Variants in LAMB4 observed in about 807,000 individuals in gnomAD.
LAMB4 encodes the protein laminin subunit beta-4.
A neutral mutation model predicts 199.2 loss-of-function variants in LAMB4; 196 were observed. That is an observed-to-expected ratio of 0.98 (90% CI 0.88 to 1.11). The LOEUF is 1.11. Ranked by LOEUF, LAMB4 falls within the 50% of genes least tolerant of loss-of-function variation. The pLI, the probability that LAMB4 is intolerant of heterozygous loss-of-function variation, is 0.00. For synonymous variants in LAMB4, 744 were observed against 770.6 expected (o/e 0.97, Z 0.57); for missense variants, 2,080 against 2,171.2 (o/e 0.96, Z 0.83).
At chr7:108,055,323 AT>A (rs1223907214) in intron 25 of LAMB4, among the ~76,000 whole-genome samples, 2 of 151,742 alleles carry the variant, frequency 1.3e-5, no homozygotes, top group African/African-American at 4.8e-5. Context: ...AGTAGTGGGG[AT>A]TACAGGTACC....
chr7:108,111,908 T>A lies in LAMB4; in HGVS notation c.231A>T (p.Pro77=). 1 of 1,611,290 alleles carries A rather than the reference T, an allele frequency of 6.2e-7. No homozygotes were observed. Among genetic ancestry groups the A allele is most frequent in the African/African-American group, 1.3e-5 (1 of 74,964 alleles). Residue 77 remains proline, a synonymous_variant, in exon 4 of 34, where the codon CCA becomes CCT. Transcript: ENST00000388781. ...QKCFICDSRF[P]YDPYDQPNSH... is the part of the protein sequence containing the mutation. ...TGTTGGGTTGGTCATACGGATCATA[T>A]GGAAATCTAGAGTCACAGATGAAGC...
Position 108,065,853 on chromosome 7 carries a change from A to G in LAMB4, c.2745T>C (p.Asp915=). Residue 915 remains aspartate (D), a synonymous_variant, in exon 21 of 34, where the codon GAT becomes GAC. Transcript: ENST00000388781. ...GQPCRPCLCP[D]DPSSNQYFAH... ...CAAAATACTGATTGCTTGAGGGATC[A>G]TCTGGACACAGGCAAGGACGACAGG... is the stretch of plus-strand genomic sequence containing the variant. 1 of 1,614,142 alleles carries G rather than the reference A, an allele frequency of 6.2e-7. No individual in the cohort carries two copies. Among genetic ancestry groups the G allele is most frequent in the Non-Finnish European group, 8.5e-7 (1 of 1,179,966 alleles).
At chr7:108,103,659 CT>C (rs1206509232) in intron 9 of LAMB4, among the ~76,000 whole-genome samples, 1 of 152,232 alleles carries the variant, frequency 6.6e-6, no homozygotes, top group African/African-American at 2.4e-5. Flanking sequence ...GGCCTGGCCC[CT>C]CTTTCCACAG....
Position 108,078,204 on chromosome 7 carries a change from G to T in LAMB4, c.2000C>A (p.Thr667Lys). Residue 667 changes from threonine to lysine, a missense_variant, in exon 16 of 34, where the codon ACG becomes AAG. Transcript: ENST00000388781. ...KPQSFALPAA[T>K]RIMLLPTPIC... ...TGAGGACCGGTCTGAAACATACCTC[G>T]TAGCCGCTGGTAAGGCAAAAGACTG... The T allele has an allele frequency of 6.3e-7, 1 of 1,595,592 alleles. No individual in the cohort carries two copies.
chr7:108,012,504 A>G, the LAMB4 span, among the ~76,000 whole-genome samples: 1 of 152,260 alleles, frequency 6.6e-6, no homozygotes, highest in African/African-American at 2.4e-5. Context: ...TGAAGAAAGT[A>G]GACTATAAGT....
chr7:108,044,955 C>CAAAAAAAAAAAAAAAAAAAA (rs756256335), intron 28 of LAMB4, among the ~76,000 whole-genome samples: 6 of 56,490 alleles, frequency 1.1e-4, no homozygotes, highest in South Asian at 6.5e-4. Context: ...ATTCTTGTCT[C>CAAAAAAAAAAAAAAAAAAAA]AAAAAAAAAA....
Position 108,055,718 on chromosome 7 carries a change from G to C in LAMB4, c.3669C>G (p.Asn1223Lys). 6.2e-7 allele frequency: 1 copy of C among 1,613,976 alleles called. No individual in the cohort carries two copies. The highest frequency in any genetic ancestry group is 8.5e-7 in the Non-Finnish European group (1 of 1,179,858). Reference sequence around the variant, plus strand: ...TCAAAATCCTTTCTATTTCAGACACGTTCCCTCTGAGGTCTTTGAAGTCTG... The same window carrying C: ...TCAAAATCCTTTCTATTTCAGACACCTTCCCTCTGAGGTCTTTGAAGTCTG... ...CEADFKDLRG[N>K]VSEIERILKH... Residue 1223 changes from asparagine (N) to lysine (K), a missense_variant, in exon 25 of 34, where the codon AAC (asparagine) becomes AAG (lysine). By Grantham distance (94) the Asn-to-Lys change is moderately conservative (BLOSUM62 0). Transcript: ENST00000388781.
chr7:108,111,711 T>C (rs1334809658), intron 4 of LAMB4, 100 bp downstream of exon 4: 1 of 1,023,192 alleles, frequency 9.8e-7, no homozygotes. Flanking sequence ...TCCATTCCAA[T>C]ATAATACTTT....
At chr7:108,028,189 T>C (rs965385497) in intron 33 of LAMB4, among the ~76,000 whole-genome samples, 2 of 152,222 alleles carry the variant, frequency 1.3e-5, no homozygotes, top group Non-Finnish European at 2.9e-5. Context: ...AGATATATGC[T>C]AGATGACCTA....
At chr7:108,068,807 C>A (rs1372964771) in intron 18 of LAMB4, among the ~76,000 whole-genome samples, 1 of 152,148 alleles carries the variant, frequency 6.6e-6, no homozygotes, top group African/African-American at 2.4e-5. Flanking sequence ...GATTTTCATG[C>A]CTCAGCCTCC....
Position 108,055,718 on chromosome 7 carries a change from G to A in LAMB4, c.3669C>T (p.Asn1223=), listed in dbSNP as rs373290819. 80 of 1,613,858 alleles carry A rather than the reference G, an allele frequency of 5.0e-5. No homozygotes were observed. The highest frequency in any genetic ancestry group is 1.6e-4 in the Middle Eastern group (1 of 6,082). The change falls in exon 25 of 34, where the codon AAC becomes AAT. Residue 1223 remains asparagine, a synonymous_variant. Transcript: ENST00000388781. ...TCAAAATCCTTTCTATTTCAGACAC[G>A]TTCCCTCTGAGGTCTTTGAAGTCTG... The part of the protein sequence containing the change: ...CEADFKDLRG[N]VSEIERILKH...
chr7:108,068,996 GTTT>G (rs897309207), intron 18 of LAMB4, among the ~76,000 whole-genome samples: 1 of 152,138 alleles, frequency 6.6e-6, no homozygotes, highest in Admixed American at 6.5e-5. Context: ...CCCCTTACTA[GTTT>G]TTTATTTCCC....
In LAMB4 at chr7:108,069,863, T is replaced by C; in HGVS notation, c.2147A>G (p.Asn716Ser). ...VDSLGLIPQI[N>S]SLENFCSKQD... Reference sequence around the variant, plus strand: ...CTTGCTGCAGAAATTCTCCAATGAATTGATTTGGGGAATAAGGCCAAGCTT... The same window carrying C: ...CTTGCTGCAGAAATTCTCCAATGAACTGATTTGGGGAATAAGGCCAAGCTT... The change falls in exon 18 of 34, where the codon AAT becomes AGT. Residue 716 changes from asparagine to serine, a missense_variant. By Grantham distance (46) the Asn-to-Ser change is conservative. Transcript: ENST00000388781. 6.2e-7 allele frequency: 1 copy of C among 1,613,434 alleles called. No homozygotes were observed. Among genetic ancestry groups the C allele is most frequent in the Middle Eastern group, 1.7e-4 (1 of 5,992 alleles).
chr7:108,097,560 C>T (rs2037656724), intron 11 of LAMB4, among the ~76,000 whole-genome samples: 1 of 152,146 alleles, frequency 6.6e-6, no homozygotes, highest in South Asian at 2.1e-4. Flanking sequence ...CCGAGACGGG[C>T]GGATCACGAG....
chr7:108,077,125 T>G, intron 16 of LAMB4, 61 bp from the exon 17 acceptor site: 3 of 1,546,640 alleles, frequency 1.9e-6, no homozygotes, highest in Middle Eastern at 1.8e-4. Flanking sequence ...ATTAGCTAAA[T>G]GGCCATAGTA....
chr7:108,108,041 G>A (rs539054495), intron 5 of LAMB4, among the ~76,000 whole-genome samples: 2 of 152,246 alleles, frequency 1.3e-5, no homozygotes, highest in East Asian at 3.9e-4. Context: ...CCCAGGCCCA[G>A]GTGATCCTCC....
chr7:108,037,613 G>A lies in LAMB4; in HGVS notation c.4472-18C>T. The A allele has an allele frequency of 6.3e-7, 1 of 1,591,452 alleles. No homozygotes were observed. On this transcript the variant is annotated intron_variant, in intron 29 of 33. Coordinates refer to ENST00000388781, the MANE Select transcript of LAMB4 (RefSeq NM_007356.3). ...GTTTTCCTCTTAAATAAGAAGCAGG[G>A]TTTTAGGTAATCATGTCTCCTTAAC...
intron 26 of LAMB4, among the ~76,000 whole-genome samples, chr7:108,050,951 C>A (rs1274303819): frequency 6.6e-6 from 1 of 152,058 alleles, no homozygotes; most frequent in Non-Finnish European, 1.5e-5. Flanking sequence ...TGTCCCCTGC[C>A]CCCATTAGAC....
At position 108,031,195 on chromosome 7, in the gene LAMB4, A is replaced by G. The variant is rs56841204; in HGVS notation, c.4819-216T>C. Among the ~76,000 whole-genome samples the G allele has an allele frequency of 4.8e-3, 722 of 151,836 alleles. 3 individuals are homozygous for G. Among genetic ancestry groups the G allele is most frequent in the African/African-American group, 0.017 (688 of 41,430 alleles). On this transcript the variant is annotated intron_variant, in intron 31 of 33. Coordinates refer to ENST00000388781, the MANE Select transcript of LAMB4 (RefSeq NM_007356.3). ...ATAACGTTAGCCTAGCGTGGGGTGC[A>G]TGCCTGTAGTCCCAGTACTCGGGAG...
Sources: allele counts gnomAD v4.1 joint callset (sites outside exome capture counted in the v4.1 genomes callset), GRCh38; gene constraint gnomAD v4.1.1; transcripts MANE v1.5; gene names NCBI Gene and HGNC (gene_info 2026-07-23, HGNC 2026-07-21).